NYAP2: variants seen among roughly 807,000 people sequenced by gnomAD.
NYAP2 encodes the protein neuronal tyrosine-phosphorylated phosphoinositide-3-kinase adapter 2.
Under a neutral mutation model 50.4 loss-of-function variants are expected in NYAP2, and 23 were observed. The ratio of observed to expected loss-of-function variants is 0.46; its 90% CI spans 0.33 to 0.65. NYAP2 has a LOEUF of 0.65. NYAP2 is among the 30% of genes least tolerant of loss of function. The pLI, the probability that NYAP2 is intolerant of heterozygous loss-of-function variation, is 0.02. For synonymous variants in NYAP2, 394 were observed against 365.2 expected, an observed-to-expected ratio of 1.08 and a Z score of -0.90; for missense variants, 885 against 861.0, an observed-to-expected ratio of 1.03 and a Z score of -0.35.
intron 3 of NYAP2, among the ~76,000 whole-genome samples, chr2:225,446,212 G>GTCTCTC (rs1248447966): frequency 1.3e-4 from 6 of 47,276 alleles, no homozygotes; most frequent in South Asian, 1.1e-3. Flanking sequence ...CTGTCTGTCT[G>GTCTCTC]TCTGTCTCTC....
intron 5 of NYAP2, among the ~76,000 whole-genome samples, chr2:225,620,042 A>T (rs1303482965): frequency 2.0e-5 from 3 of 152,206 alleles, no homozygotes; most frequent in South Asian, 4.1e-4. Context: ...TGTAACTGTG[A>T]ACACTTAAAA....
chr2:225,525,064 T>C (rs1691127915), intron 4 of NYAP2, among the ~76,000 whole-genome samples: 1 of 152,172 alleles, frequency 6.6e-6, no homozygotes, highest in African/African-American at 2.4e-5. Flanking sequence ...AGAATGGCTA[T>C]TATTAAAAAG....
At chr2:225,503,276 G>A (rs1444220803) in intron 3 of NYAP2, among the ~76,000 whole-genome samples, 1 of 152,160 alleles carries the variant, frequency 6.6e-6, no homozygotes, top group South Asian at 2.1e-4. Flanking sequence ...GTGAACTTCT[G>A]TAAACTGTAT....
chr2:225,648,456 G>C (rs1332732953), intron 6 of NYAP2, among the ~76,000 whole-genome samples: 5 of 152,250 alleles, frequency 3.3e-5, no homozygotes, highest in African/African-American at 1.2e-4. Flanking sequence ...GTGGCCTAAA[G>C]TATCTAGGAA....
intron 4 of NYAP2, among the ~76,000 whole-genome samples, chr2:225,525,796 G>C (rs1394751979): frequency 1.3e-5 from 2 of 152,138 alleles, no homozygotes; most frequent in Non-Finnish European, 2.9e-5. Flanking sequence ...CTGTAAGATG[G>C]AAATAACAAT....
chr2:225,668,976 T>C, the NYAP2 span, among the ~76,000 whole-genome samples: 1 of 144,562 alleles, frequency 6.9e-6, no homozygotes, highest in African/African-American at 2.6e-5. Context: ...TTTTTTTTTT[T>C]TTTTTTTTTT....
At chr2:225,454,706 T>G (rs979594896) in intron 3 of NYAP2, among the ~76,000 whole-genome samples, 4 of 152,298 alleles carry the variant, frequency 2.6e-5, no homozygotes, top group African/African-American at 9.6e-5. Flanking sequence ...AGAATCTAGT[T>G]ACACATTCCT....
chr2:225,488,978 C>T (rs1045186038), intron 3 of NYAP2, among the ~76,000 whole-genome samples: 1 of 152,136 alleles, frequency 6.6e-6, no homozygotes, highest in Non-Finnish European at 1.5e-5. Context: ...TGCTTACCAG[C>T]ACAGCTTTGC....
At chr2:225,399,711 G>A (rs1197824700) in exon 1 of NYAP2, 2 of 151,984 alleles carry the variant, frequency 1.3e-5, no homozygotes, top group African/African-American at 2.4e-5. Flanking sequence ...TACGTCAGCA[G>A]TAATTGTGTG....
intron 3 of NYAP2, among the ~76,000 whole-genome samples, chr2:225,456,310 A>T (rs908828599): frequency 6.6e-6 from 1 of 152,290 alleles, no homozygotes; most frequent in South Asian, 2.1e-4. Flanking sequence ...TCTTGGATTG[A>T]TAGTTCAAGA....
rs1559202492 is a variant in NYAP2, at chr2:225,518,552, AT to A, written c.523+4881del. On this transcript the variant is annotated intron_variant, in intron 4 of 6. Transcript: ENST00000636099. ...TATATATATATATATATATATATAT[AT>A]ATATATATATATATATTAGCGTGTG... Among the ~76,000 whole-genome samples the A allele has an allele frequency of 8.2e-3, 667 of 81,590 alleles. 67 individuals are homozygous for A. Among genetic ancestry groups the A allele is most frequent in the African/African-American group, 0.021 (476 of 23,044 alleles). The allele number at this position is 81,590 out of a possible 152,430, so 53.5% of individuals were successfully genotyped here. A position where few individuals can be genotyped will look rare whatever the true frequency, so the allele number is the denominator to read the frequency against.
chr2:225,600,583 G>A (rs989656213), intron 5 of NYAP2, among the ~76,000 whole-genome samples: 10 of 152,190 alleles, frequency 6.6e-5, no homozygotes, highest in Admixed American at 1.3e-4. Flanking sequence ...AAGGTGAGAA[G>A]CAAGATGTAG....
At chr2:225,404,924 C>G (rs906518662) in intron 2 of NYAP2, among the ~76,000 whole-genome samples, 6 of 151,918 alleles carry the variant, frequency 3.9e-5, no homozygotes, top group African/African-American at 1.4e-4. Context: ...TTTTAGGTGC[C>G]TTCCCAGGAG....
chr2:225,695,747 A>C, the NYAP2 span, among the ~76,000 whole-genome samples: 49 of 151,908 alleles, frequency 3.2e-4, no homozygotes, highest in Non-Finnish European at 6.0e-4. Flanking sequence ...CTTTTGAAAA[A>C]TTTCTGAGCC....
At chr2:225,422,007 C>A (rs1255272127) in intron 3 of NYAP2, among the ~76,000 whole-genome samples, 1 of 151,858 alleles carries the variant, frequency 6.6e-6, no homozygotes, top group Non-Finnish European at 1.5e-5. Flanking sequence ...ATTTAAATGA[C>A]TTTTTAGGAT....
At chr2:225,586,273 G>A (rs1232881015) in intron 5 of NYAP2, among the ~76,000 whole-genome samples, 1 of 152,080 alleles carries the variant, frequency 6.6e-6, no homozygotes, top group Admixed American at 6.6e-5. Context: ...CAATAGAGAA[G>A]AAATAAAATA....
exon 1 of NYAP2, chr2:225,399,734 G>C (rs1272629595): frequency 6.6e-6 from 1 of 152,026 alleles, no homozygotes. Flanking sequence ...TGGCTCGGCT[G>C]TGCAGGGAGG....
chr2:225,595,745 T>C (rs1452048125), intron 5 of NYAP2, among the ~76,000 whole-genome samples: 1 of 152,166 alleles, frequency 6.6e-6, no homozygotes, highest in African/African-American at 2.4e-5. Context: ...AATTGCCCAC[T>C]GATGTTTCAT....
At chr2:225,532,524 G>T (rs1349646714) in intron 4 of NYAP2, among the ~76,000 whole-genome samples, 1 of 152,150 alleles carries the variant, frequency 6.6e-6, no homozygotes, top group Non-Finnish European at 1.5e-5. Context: ...GGAACACATT[G>T]CCCTTTGGAA....
Sources: gnomAD v4.1 joint callset for allele counts (sites outside exome capture counted in the v4.1 genomes callset) on GRCh38, gnomAD v4.1.1 for gene constraint, MANE v1.5 for transcripts, NCBI Gene and HGNC (gene_info 2026-07-23, HGNC 2026-07-21) for gene names.